The following FHIT variants were observed in gnomAD, a reference collection of about 807,000 sequenced individuals.
FHIT encodes bis(5'-adenosyl)-triphosphatase.
A neutral mutation model predicts 17.9 loss-of-function variants in FHIT; 19 were observed. That is an observed-to-expected ratio of 1.06 (90% CI 0.74 to 1.56). FHIT has a LOEUF of 1.56. Among genes scored for constraint, FHIT ranks in the 40% most tolerant of loss-of-function variants. FHIT has a pLI of 0.00. For synonymous variants in FHIT, 81 were observed against 69.7 expected, an observed-to-expected ratio of 1.16 and a Z score of -0.81; for missense variants, 248 against 189.2, an observed-to-expected ratio of 1.31 and a Z score of -1.82.
intron 2 of FHIT, among the ~76,000 whole-genome samples, chr3:61,158,971 A>G (rs1301941633): frequency 6.6e-6 from 1 of 152,256 alleles, no homozygotes; most frequent in Admixed American, 6.5e-5. Flanking sequence ...GTCCCATGAT[A>G]TTAGACCAAA....
rs577708041 is a variant in FHIT at position 61,017,116 on chromosome 3, G to A, written c.-111+24931C>T. 6.6e-5 allele frequency among the ~76,000 whole-genome samples: 10 copies of A among 152,218 alleles called. No homozygotes were observed. The East Asian group carries it at 1.5e-3, about 24-fold the overall frequency. On this transcript the variant is annotated intron_variant, in intron 3 of 9. Transcript: ENST00000492590. ...AGCCTGGCCAAAATGGTGAAACACC[G>A]TCTCTAACAAAAACACACAAAAAAT...
chr3:60,722,924 A>C (rs1442411875), intron 4 of FHIT, among the ~76,000 whole-genome samples: 6 of 152,034 alleles, frequency 3.9e-5, no homozygotes, highest in African/African-American at 1.4e-4. Flanking sequence ...GGGTTTCACC[A>C]CATTGGCGCT....
At chr3:59,880,926 G>A (rs1703382437) in intron 8 of FHIT, among the ~76,000 whole-genome samples, 1 of 152,048 alleles carries the variant, frequency 6.6e-6, no homozygotes, top group South Asian at 2.1e-4. Context: ...AAGCCTCTTT[G>A]AGCAATGCCA....
At chr3:60,780,695 C>A (rs371529285) in intron 4 of FHIT, among the ~76,000 whole-genome samples, 1 of 152,174 alleles carries the variant, frequency 6.6e-6, no homozygotes, top group Non-Finnish European at 1.5e-5. Flanking sequence ...TAAGGTCAGT[C>A]TTCATCCTTA....
intron 2 of FHIT, among the ~76,000 whole-genome samples, chr3:61,081,195 G>C (rs2035126066): frequency 6.6e-6 from 1 of 152,074 alleles, no homozygotes; most frequent in Non-Finnish European, 1.5e-5. Context: ...AAAATAGAGA[G>C]GCTGTGTCTC....
intron 5 of FHIT, among the ~76,000 whole-genome samples, chr3:60,416,468 T>C (rs1702252215): frequency 1.3e-5 from 2 of 152,218 alleles, no homozygotes; most frequent in Non-Finnish European, 2.9e-5. Flanking sequence ...CAGTCTGTCA[T>C]GATAACTCAA....
intron 2 of FHIT, among the ~76,000 whole-genome samples, chr3:61,055,383 T>C (rs2034181499): frequency 6.6e-6 from 1 of 152,188 alleles, no homozygotes; most frequent in Non-Finnish European, 1.5e-5. Flanking sequence ...ATAATAGAGA[T>C]GAGAAAAACT....
intron 2 of FHIT, among the ~76,000 whole-genome samples, chr3:61,083,747 T>C (rs1332330905): frequency 2.0e-5 from 3 of 152,244 alleles, no homozygotes; most frequent in Non-Finnish European, 2.9e-5. Context: ...TTATATGATA[T>C]GTGTTTTTTT....
At chr3:60,369,514 A>G (rs1559859465) in intron 5 of FHIT, among the ~76,000 whole-genome samples, 1 of 152,052 alleles carries the variant, frequency 6.6e-6, no homozygotes, top group Non-Finnish European at 1.5e-5. Flanking sequence ...AGGTGTCTGG[A>G]TTATCTTTTC....
chr3:60,346,773 T>A (rs1038410653), intron 5 of FHIT, among the ~76,000 whole-genome samples: 1 of 152,116 alleles, frequency 6.6e-6, no homozygotes, highest in African/African-American at 2.4e-5. Context: ...GAGACCTACA[T>A]CCTTTTATTA....
chr3:60,068,190 G>A (rs575671442), intron 5 of FHIT, among the ~76,000 whole-genome samples: 12 of 152,186 alleles, frequency 7.9e-5, no homozygotes, highest in African/African-American at 2.4e-4. Context: ...AGCTGAGATC[G>A]CACCACTGCA....
intron 7 of FHIT, among the ~76,000 whole-genome samples, chr3:59,948,190 A>T (rs1294113095): frequency 6.6e-6 from 1 of 151,948 alleles, no homozygotes; most frequent in Non-Finnish European, 1.5e-5. Context: ...GGGTCCTATG[A>T]TAAGTATACG....
rs761871254 is a variant in FHIT, at chr3:60,159,168, G to A, written c.104-145016C>T. The stretch of plus-strand genomic sequence containing the variant: ...GAGGGTCTCACTTTGTTGCCCAGGC[G>A]GGAGTGCAGTAACCCGATCATGGCT... On this transcript the variant is annotated intron_variant, in intron 5 of 9. Transcript: ENST00000492590. Among the ~76,000 whole-genome samples, 170 of 152,106 alleles carry A rather than the reference G, an allele frequency of 1.1e-3. 1 individual carries two copies. Among genetic ancestry groups the A allele is most frequent in the Non-Finnish European group, 2.1e-3 (144 of 68,014 alleles).
At chr3:59,764,851 A>AG (rs200271484) in intron 8 of FHIT, among the ~76,000 whole-genome samples, 1,423 of 126,600 alleles carry the variant, frequency 0.011, 18 homozygotes, top group African/African-American at 0.034. Flanking sequence ...ACAGAGATGT[A>AG]AGGCAACTGC....
chr3:60,164,809 G>C (rs1437860698), intron 5 of FHIT, among the ~76,000 whole-genome samples: 1 of 152,042 alleles, frequency 6.6e-6, no homozygotes, highest in African/African-American at 2.4e-5. Context: ...ATTTAAAGCA[G>C]AATTTTACCT....
At chr3:59,752,603 A>G (rs1700979535) in intron 8 of FHIT, among the ~76,000 whole-genome samples, 1 of 152,136 alleles carries the variant, frequency 6.6e-6, no homozygotes, top group Non-Finnish European at 1.5e-5. Flanking sequence ...GTCAAATTAG[A>G]ATCCCCAGTG....
At chr3:60,736,603 G>A (rs2042137713) in intron 4 of FHIT, among the ~76,000 whole-genome samples, 1 of 152,164 alleles carries the variant, frequency 6.6e-6, no homozygotes. Flanking sequence ...AATTCACAGA[G>A]ATAGCAAGTA....
intron 8 of FHIT, among the ~76,000 whole-genome samples, chr3:59,773,348 G>C (rs34787563): frequency 0.34 from 51,724 of 152,034 alleles, 9,320 homozygotes; most frequent in Middle Eastern, 0.48. Flanking sequence ...TCACAGAAAG[G>C]GGGTACCTAA....
intron 8 of FHIT, among the ~76,000 whole-genome samples, chr3:59,852,769 C>A (rs1701993298): frequency 6.6e-6 from 1 of 152,178 alleles, no homozygotes; most frequent in Non-Finnish European, 1.5e-5. Flanking sequence ...TAGTCAGAAT[C>A]ATGGAGCATG....
Sources: allele counts gnomAD v4.1 joint callset (sites outside exome capture counted in the v4.1 genomes callset), GRCh38; gene constraint gnomAD v4.1.1; transcripts MANE v1.5; gene names NCBI Gene and HGNC (gene_info 2026-07-23, HGNC 2026-07-21).